The following TNNI3K variants were observed in gnomAD, a reference collection of about 807,000 sequenced individuals.
The protein encoded by TNNI3K is TNNI3 interacting kinase.
In TNNI3K, 140 loss-of-function variants were observed where a neutral mutation model predicts 114.5. The observed-to-expected ratio is 1.22, with a 90% CI of 1.07 to 1.41. The LOEUF (loss-of-function observed/expected upper bound fraction) is 1.41. Among genes scored for constraint, TNNI3K ranks in the 40% most tolerant of loss-of-function variants. TNNI3K has a pLI of 0.00. For synonymous variants in TNNI3K, 347 were observed against 347.5 expected (o/e 1.00, Z 0.02); for missense variants, 1,125 against 1,007.6 (o/e 1.12, Z -1.58).
intron 5 of TNNI3K, among the ~76,000 whole-genome samples, chr1:74,299,583 T>C (rs942272537): frequency 3.9e-5 from 6 of 152,124 alleles, no homozygotes; most frequent in Non-Finnish European, 8.8e-5. Context: ...ATTATCTCTT[T>C]ATATTATCAT....
At chr1:74,449,185 G>A (rs1028303023) in intron 20 of TNNI3K, among the ~76,000 whole-genome samples, 1 of 151,548 alleles carries the variant, frequency 6.6e-6, no homozygotes, top group African/African-American at 2.4e-5. Flanking sequence ...TCCTGGTTTA[G>A]TCTTTGGAGA....
chr1:74,295,791 A>C (rs555557198), intron 5 of TNNI3K, among the ~76,000 whole-genome samples: 1 of 152,276 alleles, frequency 6.6e-6, no homozygotes, highest in Non-Finnish European at 1.5e-5. Flanking sequence ...AAAATTTGAG[A>C]CTAATAATAT....
chr1:74,335,345 T>A (rs997665339), intron 6 of TNNI3K, among the ~76,000 whole-genome samples: 2 of 152,198 alleles, frequency 1.3e-5, no homozygotes, highest in African/African-American at 4.8e-5. Context: ...ATATTACCCC[T>A]CACGTTAACA....
Position 74,463,467 on chromosome 1 carries a change from C to A in TNNI3K, c.2038C>A (p.His680Asn), listed in dbSNP as rs200598601. The A allele has an allele frequency of 2.2e-5, 35 of 1,614,176 alleles. No individual in the cohort carries two copies. Among genetic ancestry groups the A allele is most frequent in the Non-Finnish European group, 2.9e-5 (34 of 1,180,034 alleles). ...PAAAAADMAY[H>N]HIRPPIGYSI... The stretch of plus-strand genomic sequence containing the variant: ...GGCTGCGGCAGCAGACATGGCTTAC[C>A]ACCACATCAGACCTCCCATTGGCTA... Residue 680 changes from histidine to asparagine, a missense_variant, in exon 21 of 25, where the codon CAC (histidine) becomes AAC (asparagine). Transcript: ENST00000326637.
chr1:74,423,042 C>T (rs45520437), intron 17 of TNNI3K, among the ~76,000 whole-genome samples: 51 of 152,152 alleles, frequency 3.4e-4, no homozygotes, highest in Non-Finnish European at 6.6e-4. Context: ...TGTTTAGTCA[C>T]ACATCACATT....
intron 23 of TNNI3K, among the ~76,000 whole-genome samples, chr1:74,526,837 C>T (rs990497141): frequency 2.0e-5 from 3 of 152,170 alleles, no homozygotes; most frequent in Non-Finnish European, 4.4e-5. Context: ...GATTGGTAAA[C>T]TACAGCTCAT....
At chr1:74,251,268 C>CTGAT (rs2100848815) in intron 4 of TNNI3K, among the ~76,000 whole-genome samples, 1 of 152,176 alleles carries the variant, frequency 6.6e-6, no homozygotes, top group East Asian at 1.9e-4. Flanking sequence ...ATCTCAGCAC[C>CTGAT]TGATAGAATA....
chr1:74,248,296 C>T (rs1654713408), intron 2 of TNNI3K, among the ~76,000 whole-genome samples: 1 of 152,018 alleles, frequency 6.6e-6, no homozygotes, highest in Non-Finnish European at 1.5e-5. Context: ...ACTCCCTCCA[C>T]ACCTCCCCAC....
intron 9 of TNNI3K, among the ~76,000 whole-genome samples, chr1:74,351,984 C>A (rs565980400): frequency 6.6e-6 from 1 of 152,166 alleles, no homozygotes; most frequent in Non-Finnish European, 1.5e-5. Flanking sequence ...AGTCATTTTC[C>A]GTCCAGCTTT....
Position 74,500,721 on chromosome 1 carries a change from T to A in TNNI3K, c.2351+8455T>A, listed in dbSNP as rs186720312. ...AAAAACACTTATCTTCCCTCTTTTT[T>A]AAGATATTTAGTAGATAGAGGATTT... On this transcript the variant is annotated intron_variant, in intron 23 of 24. Transcript: ENST00000326637. 6.0e-3 allele frequency among the ~76,000 whole-genome samples: 910 copies of A among 150,818 alleles called. 8 individuals are homozygous for A. Among genetic ancestry groups the A allele is most frequent in the African/African-American group, 0.021 (868 of 41,268 alleles).
At chr1:74,454,289 A>T (rs1667141684) in intron 20 of TNNI3K, among the ~76,000 whole-genome samples, 1 of 152,146 alleles carries the variant, frequency 6.6e-6, no homozygotes, top group Non-Finnish European at 1.5e-5. Context: ...TCACTCCATT[A>T]TGCTACTGAA....
intron 5 of TNNI3K, among the ~76,000 whole-genome samples, chr1:74,303,380 G>C (rs1033158815): frequency 6.6e-6 from 1 of 151,942 alleles, no homozygotes; most frequent in Non-Finnish European, 1.5e-5. Flanking sequence ...GGCCAGGCTG[G>C]TCTCTAACTC....
At position 74,369,411 on chromosome 1, in the gene TNNI3K, G is replaced by T; in HGVS notation, c.1493G>T (p.Cys498Phe). ...TCCAGTTATCGAGCCAATACCTACT[G>T]CTCCAAGTCAGATGTGGATATGTTT... ...AIKRYRANTY[C>F]SKSDVDMFCR... Residue 498 changes from cysteine (C) to phenylalanine (F), a missense_variant, in exon 16 of 25, where the codon TGC becomes TTC. Cys to Phe is a radical substitution (Grantham distance 205). Transcript: ENST00000326637. 6.2e-7 allele frequency: 1 copy of T among 1,611,062 alleles called. No individual in the cohort carries two copies. Among genetic ancestry groups the T allele is most frequent in the Non-Finnish European group, 8.5e-7 (1 of 1,178,528 alleles).
Position 74,367,317 on chromosome 1 carries a change from T to C in TNNI3K, c.1239T>C (p.Cys413=). ...HYKRPQDELP[C]NEYSQPGGDG... ...AGAGACCACAAGATGAATTGCCCTGTAATGAATATTCTCAGCCTGGAGGAG... is the reference window on the plus strand; with the variant it reads ...AGAGACCACAAGATGAATTGCCCTGCAATGAATATTCTCAGCCTGGAGGAG... Residue 413 remains cysteine (C), a synonymous_variant, in exon 12 of 25, where the codon TGT becomes TGC. Transcript: ENST00000326637. 1 of 1,612,268 alleles carries C rather than the reference T, an allele frequency of 6.2e-7. No homozygotes were observed. The highest frequency in any genetic ancestry group is 8.5e-7 in the Non-Finnish European group (1 of 1,178,750).
At chr1:74,526,965 C>T (rs1164775545) in intron 23 of TNNI3K, among the ~76,000 whole-genome samples, 1 of 152,204 alleles carries the variant, frequency 6.6e-6, no homozygotes, top group Non-Finnish European at 1.5e-5. Flanking sequence ...TGAGTAGTTG[C>T]AAGAGACCAT....
At chr1:74,490,637 A>C (rs45491197) in intron 22 of TNNI3K, among the ~76,000 whole-genome samples, 2 of 152,320 alleles carry the variant, frequency 1.3e-5, no homozygotes, top group Non-Finnish European at 2.9e-5. Flanking sequence ...GATGAGAGTC[A>C]GCCTAAAGAG....
intron 17 of TNNI3K, chr1:74,401,935 GCTTA>G: frequency 2.2e-6 from 1 of 444,564 alleles, no homozygotes; most frequent in Non-Finnish European, 4.5e-6. Context: ...TCAGGTGTAT[GCTTA>G]CTTCTGCCAT....
intron 5 of TNNI3K, among the ~76,000 whole-genome samples, chr1:74,291,648 C>T (rs2100289677): frequency 6.6e-6 from 1 of 151,622 alleles, no homozygotes; most frequent in East Asian, 1.9e-4. Flanking sequence ...TAGTTCCAAC[C>T]TGCTTTCTGT....
At chr1:74,350,444 G>C (rs1557513574) in intron 9 of TNNI3K, among the ~76,000 whole-genome samples, 2 of 152,178 alleles carry the variant, frequency 1.3e-5, no homozygotes, top group African/African-American at 4.8e-5. Context: ...TGTATATTCT[G>C]TTGATTTGGG....
Sources: allele counts gnomAD v4.1 joint callset (sites outside exome capture counted in the v4.1 genomes callset), GRCh38; gene constraint gnomAD v4.1.1; transcripts MANE v1.5; gene names NCBI Gene and HGNC (gene_info 2026-07-23, HGNC 2026-07-21).